Variants in MBD5 observed in about 807,000 individuals in gnomAD.
The protein encoded by MBD5 is methyl-CpG binding domain protein 5.
MBD5 carries 13 observed loss-of-function variants against 117.3 expected under a neutral mutation model. That is an observed-to-expected ratio of 0.11 (90% confidence interval 0.07 to 0.18). The LOEUF is 0.18. Among genes scored for constraint, MBD5 ranks in the 10% least tolerant of loss-of-function variants. The probability of loss-of-function intolerance (pLI) is 1.00; values close to 1 mark genes in which losing one functional copy is unlikely to be tolerated. For missense variants in MBD5, 1,879 were observed against 2,093.8 expected, an observed-to-expected ratio of 0.90 and a Z score of 2.00; for synonymous variants, 727 against 766.4, an observed-to-expected ratio of 0.95 and a Z score of 0.85.
chr2:148,435,683 C>A (rs1706133674), intron 4 of MBD5, among the ~76,000 whole-genome samples: 1 of 152,126 alleles, frequency 6.6e-6, no homozygotes, highest in African/African-American at 2.4e-5. Context: ...ATTTTTTTCT[C>A]TCATTTCAAC....
chr2:148,427,418 A>G (rs1237479738), intron 4 of MBD5, among the ~76,000 whole-genome samples: 1 of 152,214 alleles, frequency 6.6e-6, no homozygotes, highest in East Asian at 1.9e-4. Context: ...TCCAACAATG[A>G]TAGACTGGAT....
chr2:148,270,477 C>T (rs543008612), intron 3 of MBD5, among the ~76,000 whole-genome samples: 1 of 151,810 alleles, frequency 6.6e-6, no homozygotes, highest in East Asian at 1.9e-4. Context: ...CAACATCAGC[C>T]TCCAGGGTTC....
intron 1 of MBD5, among the ~76,000 whole-genome samples, chr2:148,160,839 C>G (rs1697991477): frequency 6.6e-6 from 1 of 152,158 alleles, no homozygotes; most frequent in Non-Finnish European, 1.5e-5. Flanking sequence ...GCTTGCATGG[C>G]ATTTTATTTG....
intron 12 of MBD5, among the ~76,000 whole-genome samples, chr2:148,508,927 T>C (rs1682128075): frequency 6.6e-6 from 1 of 152,184 alleles, no homozygotes; most frequent in African/African-American, 2.4e-5. Context: ...AATGTATGCA[T>C]TGTCCAGTCC....
In MBD5 at chr2:148,379,235, C is replaced by CA. The variant is rs1359907215; in HGVS notation, c.-557+36907dup. Among the ~76,000 whole-genome samples, 14 of 151,092 alleles carry CA rather than the reference C, an allele frequency of 9.3e-5. No homozygotes were observed. In the East Asian group the frequency reaches 9.7e-4, roughly 10 times the overall value. On this transcript the variant is annotated intron_variant, in intron 4 of 13. Transcript: ENST00000642680. The stretch of plus-strand genomic sequence containing the variant: ...ATGGTAAAACACAGGTCATCAAATA[C>CA]AAAAAAAAGATGCTCAAAGCAGCTT...
intron 3 of MBD5, among the ~76,000 whole-genome samples, chr2:148,280,131 CAAAAAAAAA>C (rs3076398): frequency 4.4e-5 from 4 of 91,886 alleles, no homozygotes; most frequent in Non-Finnish European, 6.5e-5. Context: ...AAACTAACTG[CAAAAAAAAA>C]AAAAAAAAAA....
intron 3 of MBD5, among the ~76,000 whole-genome samples, chr2:148,317,017 T>C (rs982708445): frequency 1.3e-5 from 2 of 152,134 alleles, no homozygotes; most frequent in African/African-American, 2.4e-5. Context: ...ACAATTTTCT[T>C]CACAACTTAA....
intron 4 of MBD5, among the ~76,000 whole-genome samples, chr2:148,355,104 C>A (rs1216190142): frequency 1.3e-5 from 2 of 150,438 alleles, no homozygotes; most frequent in Non-Finnish European, 3.0e-5. Flanking sequence ...CCTTTGCCCA[C>A]TTTTTGATGG....
intron 4 of MBD5, among the ~76,000 whole-genome samples, chr2:148,396,922 TAC>T (rs976800343): frequency 2.4e-4 from 36 of 152,294 alleles, no homozygotes; most frequent in African/African-American, 8.4e-4. Context: ...TTCTGCAAAT[TAC>T]ACTTTTGAGC....
chr2:148,364,293 C>T (rs1440005093), intron 4 of MBD5, among the ~76,000 whole-genome samples: 1 of 152,138 alleles, frequency 6.6e-6, no homozygotes, highest in Non-Finnish European at 1.5e-5. Flanking sequence ...CAAGCAAATG[C>T]TGAGAGATTT....
intron 3 of MBD5, chr2:148,244,142 C>G (rs532645584): frequency 6.6e-6 from 1 of 151,666 alleles, no homozygotes; most frequent in Admixed American, 6.6e-5. Flanking sequence ...CTGATTTTAT[C>G]TGGCTTTCAC....
At chr2:148,161,623 T>C (rs1326123147) in intron 1 of MBD5, among the ~76,000 whole-genome samples, 1 of 152,192 alleles carries the variant, frequency 6.6e-6, no homozygotes, top group Non-Finnish European at 1.5e-5. Context: ...GGCTGATTAT[T>C]TGGGACAATG....
chr2:148,439,081 A>G (rs956642720), intron 4 of MBD5, among the ~76,000 whole-genome samples: 1 of 152,226 alleles, frequency 6.6e-6, no homozygotes, highest in African/African-American at 2.4e-5. Context: ...AAAGACAAGA[A>G]CAAAGTAATA....
intron 1 of MBD5, among the ~76,000 whole-genome samples, chr2:148,067,008 C>T (rs1011536084): frequency 6.6e-6 from 1 of 152,104 alleles, no homozygotes; most frequent in African/African-American, 2.4e-5. Context: ...CAGTACCTAC[C>T]ACAGAGCATG....
At chr2:148,336,852 T>G (rs1702802632) in intron 3 of MBD5, among the ~76,000 whole-genome samples, 1 of 152,206 alleles carries the variant, frequency 6.6e-6, no homozygotes, top group African/African-American at 2.4e-5. Flanking sequence ...TCTACTTATG[T>G]CAGTTCCGCT....
intron 1 of MBD5, among the ~76,000 whole-genome samples, chr2:148,042,557 G>A (rs1009450834): frequency 6.6e-6 from 1 of 151,544 alleles, no homozygotes; most frequent in East Asian, 1.9e-4. Context: ...GCCTCAGTAC[G>A]TTACTCTAAA....
intron 2 of MBD5, among the ~76,000 whole-genome samples, chr2:148,199,408 C>T (rs1277189336): frequency 6.6e-6 from 1 of 152,104 alleles, no homozygotes; most frequent in Non-Finnish European, 1.5e-5. Context: ...CACTTCAATA[C>T]TAAGTCATTC....
intron 4 of MBD5, among the ~76,000 whole-genome samples, chr2:148,399,491 G>C (rs1436502621): frequency 6.6e-6 from 1 of 152,134 alleles, no homozygotes; most frequent in African/African-American, 2.4e-5. Flanking sequence ...TGTGATTTTA[G>C]CACATGGATT....
intron 4 of MBD5, among the ~76,000 whole-genome samples, chr2:148,354,020 CTCT>C (rs1703310306): frequency 6.6e-6 from 1 of 152,128 alleles, no homozygotes; most frequent in Non-Finnish European, 1.5e-5. Context: ...TCTCCTTCAA[CTCT>C]TCTTCTTCCT....
Sources: gnomAD v4.1 joint callset for allele counts (sites outside exome capture counted in the v4.1 genomes callset) on GRCh38, gnomAD v4.1.1 for gene constraint, MANE v1.5 for transcripts, NCBI Gene and HGNC (gene_info 2026-07-23, HGNC 2026-07-21) for gene names.